CSMD1: variants seen among roughly 807,000 people sequenced by gnomAD.
CSMD1 encodes the protein CUB and sushi domain-containing protein 1.
Under a neutral mutation model 417.5 loss-of-function variants are expected in CSMD1, and 213 were observed. The ratio of observed to expected loss-of-function variants is 0.51; its 90% CI spans 0.46 to 0.57. The LOEUF (loss-of-function observed/expected upper bound fraction) is 0.57. CSMD1 is among the 20% of genes least tolerant of loss of function. The probability of loss-of-function intolerance (pLI) is 0.00; values close to 1 mark genes in which losing one functional copy is unlikely to be tolerated. For synonymous variants in CSMD1, 2,862 were observed against 1,736.8 expected (o/e 1.65, Z -16.11); for missense variants, 6,923 against 4,529.7 (o/e 1.53, Z -15.17).
intron 62 of CSMD1, among the ~76,000 whole-genome samples, chr8:2,960,046 T>A (rs1803323250): frequency 6.6e-6 from 1 of 152,204 alleles, no homozygotes; most frequent in South Asian, 2.1e-4. Context: ...TCATTGACTT[T>A]TAATTACTGT....
chr8:3,221,422 G>T (rs28760290), intron 28 of CSMD1, among the ~76,000 whole-genome samples: 42,134 of 151,974 alleles, frequency 0.28, 5,992 homozygotes, highest in East Asian at 0.3. Context: ...TTAGAGTATT[G>T]GCAAGGATGT....
chr8:3,612,675 A>G (rs908124386), intron 8 of CSMD1, among the ~76,000 whole-genome samples: 1 of 152,134 alleles, frequency 6.6e-6, no homozygotes, highest in African/African-American at 2.4e-5. Context: ...TTTCAAATAA[A>G]TCATGGAACA....
intron 26 of CSMD1, among the ~76,000 whole-genome samples, chr8:3,279,838 C>G (rs1205468685): frequency 6.6e-6 from 1 of 152,090 alleles, no homozygotes; most frequent in Non-Finnish European, 1.5e-5. Context: ...TACTTATTGT[C>G]ATGAGAACAG....
chr8:4,158,731 A>G (rs549233350), intron 3 of CSMD1, among the ~76,000 whole-genome samples: 1 of 152,174 alleles, frequency 6.6e-6, no homozygotes, highest in South Asian at 2.1e-4. Flanking sequence ...TCACAACCCC[A>G]TGAGAACCAC....
intron 1 of CSMD1, among the ~76,000 whole-genome samples, chr8:4,917,293 A>G (rs575357793): frequency 6.6e-6 from 1 of 152,286 alleles, no homozygotes; most frequent in South Asian, 2.1e-4. Context: ...CCACGATCCA[A>G]TCACCTCCAA....
chr8:4,388,079 G>A (rs1414012686), intron 3 of CSMD1, among the ~76,000 whole-genome samples: 1 of 152,098 alleles, frequency 6.6e-6, no homozygotes, highest in African/African-American at 2.4e-5. Context: ...ACTAATGTCA[G>A]AAGTAAACCA....
intron 3 of CSMD1, among the ~76,000 whole-genome samples, chr8:4,415,189 G>A (rs1044595289): frequency 1.3e-5 from 2 of 152,034 alleles, no homozygotes; most frequent in African/African-American, 4.8e-5. Flanking sequence ...GAGCTCCAGA[G>A]AACCCAGGCT....
chr8:3,524,385 A>C (rs1797663788), intron 10 of CSMD1, among the ~76,000 whole-genome samples: 1 of 147,006 alleles, frequency 6.8e-6, no homozygotes, highest in Non-Finnish European at 1.5e-5. Flanking sequence ...ACATGCACAT[A>C]CACACACATG....
rs558854596 is a variant in CSMD1 at position 3,753,970 on chromosome 8, G to C, written c.891C>G (p.Asp297Glu). The C allele has an allele frequency of 4.3e-6, 7 of 1,612,788 alleles. No individual in the cohort carries two copies. The highest frequency in any genetic ancestry group is 5.9e-6 in the Non-Finnish European group (7 of 1,179,298). ...KNWLRLHFTS[D>E]SNHRRKGFNA... ...TAAATCCTTTGCGTCGGTGGTTGCT[G>C]TCAGAGGTGAAATGGAGTCGTAGCC... is the stretch of plus-strand genomic sequence containing the variant. Residue 297 changes from aspartate to glutamate, a missense_variant, in exon 6 of 70, where the codon GAC (aspartate) becomes GAG (glutamate). Coordinates refer to ENST00000635120, the MANE Select transcript of CSMD1 (RefSeq NM_033225.6).
chr8:4,393,396 G>A (rs971514107), intron 3 of CSMD1, among the ~76,000 whole-genome samples: 1 of 152,182 alleles, frequency 6.6e-6, no homozygotes, highest in Non-Finnish European at 1.5e-5. Context: ...TTCAGTTATG[G>A]TTGTGAAATC....
chr8:3,843,264 A>G (rs1290790430), intron 5 of CSMD1, among the ~76,000 whole-genome samples: 2 of 152,164 alleles, frequency 1.3e-5, no homozygotes, highest in Non-Finnish European at 2.9e-5. Context: ...ACTCCACTAA[A>G]AATACTTTCG....
intron 7 of CSMD1, among the ~76,000 whole-genome samples, chr8:3,685,331 T>C (rs1052095460): frequency 3.9e-5 from 6 of 152,186 alleles, no homozygotes; most frequent in African/African-American, 1.2e-4. Flanking sequence ...TAAAAATTTT[T>C]TGAATCTTCA....
At chr8:3,428,715 C>G (rs1237780460) in intron 12 of CSMD1, among the ~76,000 whole-genome samples, 2 of 152,108 alleles carry the variant, frequency 1.3e-5, no homozygotes, top group East Asian at 1.9e-4. Context: ...ATATACCCAA[C>G]AGAAATGAAA....
At chr8:4,463,663 T>G (rs1411148503) in intron 2 of CSMD1, among the ~76,000 whole-genome samples, 1 of 152,216 alleles carries the variant, frequency 6.6e-6, no homozygotes, top group Non-Finnish European at 1.5e-5. Context: ...ACACATTTTG[T>G]ACCATTGCAC....
At chr8:3,628,684 C>T (rs1796613568) in intron 7 of CSMD1, among the ~76,000 whole-genome samples, 1 of 152,042 alleles carries the variant, frequency 6.6e-6, no homozygotes, top group South Asian at 2.1e-4. Context: ...CGAGAAGGGG[C>T]AGACTCACAG....
chr8:3,590,511 G>A (rs552605188), intron 8 of CSMD1, among the ~76,000 whole-genome samples: 1 of 152,180 alleles, frequency 6.6e-6, no homozygotes, highest in South Asian at 2.1e-4. Flanking sequence ...ATCATCACCT[G>A]GTATCACAAG....
chr8:4,706,028 T>C (rs540350223), intron 1 of CSMD1, among the ~76,000 whole-genome samples: 2 of 143,300 alleles, frequency 1.4e-5, no homozygotes, highest in African/African-American at 2.4e-5. Flanking sequence ...TAAACAGTAA[T>C]GTATTTAAAA....
At chr8:3,174,181 T>C (rs1205954103) in intron 37 of CSMD1, among the ~76,000 whole-genome samples, 1 of 152,176 alleles carries the variant, frequency 6.6e-6, no homozygotes, top group Non-Finnish European at 1.5e-5. Flanking sequence ...TTATATTATG[T>C]TCCCAAAATT....
At chr8:3,588,127 G>C (rs946849251) in intron 8 of CSMD1, among the ~76,000 whole-genome samples, 3 of 150,122 alleles carry the variant, frequency 2.0e-5, no homozygotes, top group Admixed American at 2.0e-4. Flanking sequence ...CCAGGTATCA[G>C]TCTCCAGTTC....
Sources: gnomAD v4.1 joint callset for allele counts (sites outside exome capture counted in the v4.1 genomes callset) on GRCh38, gnomAD v4.1.1 for gene constraint, MANE v1.5 for transcripts, NCBI Gene and HGNC (gene_info 2026-07-23, HGNC 2026-07-21) for gene names.